Variants in MDGA2 observed in about 807,000 individuals in gnomAD.
The protein encoded by MDGA2 is MAM domain-containing glycosylphosphatidylinositol anchor protein 2.
Under a neutral mutation model 117.8 loss-of-function variants are expected in MDGA2, and 40 were observed. That is an observed-to-expected ratio of 0.34 (90% CI 0.26 to 0.44). The LOEUF (loss-of-function observed/expected upper bound fraction) is 0.44, where lower values mean the gene tolerates loss of function less well. Among genes scored for constraint, MDGA2 ranks in the 20% least tolerant of loss-of-function variants. The probability of loss-of-function intolerance (pLI) is 1.00; values close to 1 mark genes in which losing one functional copy is unlikely to be tolerated. For missense variants in MDGA2, 1,123 were observed against 1,250.6 expected (o/e 0.90, Z 1.54); for synonymous variants, 452 against 439.0 (o/e 1.03, Z -0.37).
At chr14:47,027,677 T>A (rs556115471) in intron 8 of MDGA2, among the ~76,000 whole-genome samples, 1 of 150,786 alleles carries the variant, frequency 6.6e-6, no homozygotes, top group East Asian at 1.9e-4. Flanking sequence ...GACTGAAAAT[T>A]TCTTTCTATT....
At chr14:47,249,759 A>G (rs1015301269) in intron 2 of MDGA2, among the ~76,000 whole-genome samples, 1 of 152,220 alleles carries the variant, frequency 6.6e-6, no homozygotes, top group African/African-American at 2.4e-5. Flanking sequence ...CAGTACAGGA[A>G]TAAGCTGAAG....
At chr14:46,943,145 T>C (rs1885057424) in intron 9 of MDGA2, among the ~76,000 whole-genome samples, 1 of 152,068 alleles carries the variant, frequency 6.6e-6, no homozygotes, top group Non-Finnish European at 1.5e-5. Flanking sequence ...GTGTTCCTCT[T>C]TAACTCTCGT....
intron 1 of MDGA2, among the ~76,000 whole-genome samples, chr14:47,637,883 A>C (rs1897352362): frequency 6.6e-6 from 1 of 152,290 alleles, no homozygotes; most frequent in African/African-American, 2.4e-5. Flanking sequence ...GGTGAGGCAA[A>C]CTAAAACACA....
intron 1 of MDGA2, among the ~76,000 whole-genome samples, chr14:47,369,834 C>A (rs1009049176): frequency 1.5e-4 from 22 of 151,702 alleles, no homozygotes; most frequent in African/African-American, 5.3e-4. Context: ...AATATTATCC[C>A]ATTTATATAT....
intron 5 of MDGA2, among the ~76,000 whole-genome samples, chr14:47,102,023 T>C (rs1336925535): frequency 6.6e-6 from 1 of 152,150 alleles, no homozygotes; most frequent in Non-Finnish European, 1.5e-5. Flanking sequence ...GGTCATTGAC[T>C]TCTTAGGTGC....
chr14:46,842,308 T>C (rs1880648658), intron 16 of MDGA2, among the ~76,000 whole-genome samples: 1 of 152,120 alleles, frequency 6.6e-6, no homozygotes, highest in African/African-American at 2.4e-5. Flanking sequence ...TTGAGCTCAA[T>C]CTTAAGAGTT....
intron 6 of MDGA2, among the ~76,000 whole-genome samples, chr14:47,091,283 G>A (rs1369754244): frequency 6.6e-6 from 1 of 152,076 alleles, no homozygotes; most frequent in African/African-American, 2.4e-5. Flanking sequence ...TATATGCTGG[G>A]TAATATTCTA....
intron 15 of MDGA2, among the ~76,000 whole-genome samples, chr14:46,848,916 T>C (rs1408657345): frequency 4.6e-5 from 7 of 152,008 alleles, no homozygotes. Flanking sequence ...CTTATATGAA[T>C]ATTTCACCCC....
chr14:47,648,118 T>C (rs1376593595), intron 1 of MDGA2, among the ~76,000 whole-genome samples: 1 of 152,166 alleles, frequency 6.6e-6, no homozygotes, highest in Non-Finnish European at 1.5e-5. Flanking sequence ...CTGTGAATCT[T>C]CCAATGGTTT....
chr14:47,414,290 C>T (rs191649238), intron 1 of MDGA2, among the ~76,000 whole-genome samples: 16 of 152,206 alleles, frequency 1.1e-4, no homozygotes, highest in Admixed American at 2.0e-4. Context: ...CCATGCTTAC[C>T]GGTTGTATGG....
chr14:47,184,887 T>C (rs1430410563), intron 3 of MDGA2, among the ~76,000 whole-genome samples: 1 of 151,364 alleles, frequency 6.6e-6, no homozygotes, highest in African/African-American at 2.4e-5. Context: ...ATTTTAGTTG[T>C]TAAAATATAA....
chr14:47,559,576 CTTTTT>C (rs75462911), intron 1 of MDGA2, among the ~76,000 whole-genome samples: 2,193 of 138,704 alleles, frequency 0.016, 51 homozygotes, highest in East Asian at 0.13. Context: ...TTTTTCTTTT[CTTTTT>C]TTTTTTTTTT....
chr14:47,139,976 G>A (rs1012494187), intron 4 of MDGA2, among the ~76,000 whole-genome samples: 36 of 151,028 alleles, frequency 2.4e-4, no homozygotes, highest in Middle Eastern at 3.2e-3. Flanking sequence ...AACAGGGAAA[G>A]AGTAACCCAA....
intron 1 of MDGA2, among the ~76,000 whole-genome samples, chr14:47,377,425 C>T (rs12147001): frequency 0.3 from 45,213 of 151,968 alleles, 7,089 homozygotes; most frequent in Middle Eastern, 0.45. Flanking sequence ...TCGCCTCATC[C>T]GGGAAGTGTA....
chr14:47,242,534 G>A lies in MDGA2; in HGVS notation c.421-24339C>T, dbSNP rs1210240809. Among the ~76,000 whole-genome samples, 3 of 151,948 alleles carry A rather than the reference G, an allele frequency of 2.0e-5. No individual in the cohort carries two copies. In the East Asian group the frequency reaches 5.8e-4, roughly 29 times the overall value. ...CGTGGGCTTGGTGGGCCCCGCACTTGGAGCAGCCAGCCAGTCCTGCTGGCC... is the reference window on the plus strand; with the variant it reads ...CGTGGGCTTGGTGGGCCCCGCACTTAGAGCAGCCAGCCAGTCCTGCTGGCC... On this transcript the variant is annotated intron_variant, in intron 2 of 16. Transcript: ENST00000399232.
At chr14:47,070,859 C>G (rs559197147) in intron 6 of MDGA2, among the ~76,000 whole-genome samples, 1 of 152,216 alleles carries the variant, frequency 6.6e-6, no homozygotes, top group Non-Finnish European at 1.5e-5. Flanking sequence ...CCGCCTGCCT[C>G]GGCCTTCCGA....
intron 2 of MDGA2, among the ~76,000 whole-genome samples, chr14:47,239,163 G>A (rs529044298): frequency 1.5e-4 from 22 of 150,028 alleles, no homozygotes; most frequent in Admixed American, 1.0e-3. Flanking sequence ...TAGCTTGGGG[G>A]AAACAAAACA....
At chr14:46,897,754 A>C (rs968115653) in intron 10 of MDGA2, among the ~76,000 whole-genome samples, 14 of 151,554 alleles carry the variant, frequency 9.2e-5, no homozygotes, top group African/African-American at 3.4e-4. Flanking sequence ...ACATGTGTAG[A>C]AAGAGTGCAG....
intron 1 of MDGA2, among the ~76,000 whole-genome samples, chr14:47,424,864 T>C (rs1892653121): frequency 6.6e-6 from 1 of 152,150 alleles, no homozygotes; most frequent in Non-Finnish European, 1.5e-5. Context: ...CAACCATCCA[T>C]AATCTCATAG....
Sources: gnomAD v4.1 joint callset for allele counts (sites outside exome capture counted in the v4.1 genomes callset) on GRCh38, gnomAD v4.1.1 for gene constraint, MANE v1.5 for transcripts, NCBI Gene and HGNC (gene_info 2026-07-23, HGNC 2026-07-21) for gene names.